Variants in SLC28A1 observed in about 807,000 individuals in gnomAD.
The protein encoded by SLC28A1 is sodium/nucleoside cotransporter 1.
SLC28A1 carries 64 observed loss-of-function variants against 74.8 expected under a neutral mutation model. That is an observed-to-expected ratio of 0.86 (90% CI 0.70 to 1.05). The LOEUF (loss-of-function observed/expected upper bound fraction) is 1.05. Ranked by LOEUF, SLC28A1 falls within the 50% of genes least tolerant of loss-of-function variation. The pLI is 0.00. For synonymous variants in SLC28A1, 359 were observed against 335.0 expected (o/e 1.07, Z -0.78); for missense variants, 828 against 822.8 (o/e 1.01, Z -0.08).
At chr15:84,934,385 T>C (rs1173031404) in intron 13 of SLC28A1, among the ~76,000 whole-genome samples, 1 of 152,200 alleles carries the variant, frequency 6.6e-6, no homozygotes, top group East Asian at 1.9e-4. Flanking sequence ...CAACCACACA[T>C]TGACATGCTG....
chr15:84,899,940 A>AAGGAAGGAAGG (rs1966437006), intron 6 of SLC28A1, among the ~76,000 whole-genome samples: 10,792 of 136,510 alleles, frequency 0.079, 650 homozygotes, highest in Non-Finnish European at 0.11. Flanking sequence ...AGAAAGAAAG[A>AAGGAAGGAAGG]AAGGAAGGAA....
At chr15:84,906,911 T>C (rs957184884) in intron 8 of SLC28A1, among the ~76,000 whole-genome samples, 4 of 152,218 alleles carry the variant, frequency 2.6e-5, no homozygotes, top group African/African-American at 9.7e-5. Flanking sequence ...CTTAATTGGC[T>C]TTTATTTGTG....
At chr15:84,908,174 A>ATT (rs1596270479) in intron 8 of SLC28A1, among the ~76,000 whole-genome samples, 2 of 65,894 alleles carry the variant, frequency 3.0e-5, no homozygotes, top group African/African-American at 6.0e-5. Flanking sequence ...CTCCCAGAGC[A>ATT]TTTCTTTTTT....
intron 7 of SLC28A1, among the ~76,000 whole-genome samples, chr15:84,904,882 T>C (rs1006079199): frequency 6.6e-6 from 1 of 152,162 alleles, no homozygotes; most frequent in African/African-American, 2.4e-5. Flanking sequence ...AGATGGAATC[T>C]TCTCTCTCTC....
intron 5 of SLC28A1, among the ~76,000 whole-genome samples, chr15:84,893,881 G>T (rs543940621): frequency 1.1e-4 from 16 of 152,330 alleles, no homozygotes; most frequent in Admixed American, 9.8e-4. Context: ...TTCACTGCTT[G>T]CAATGCTGCA....
At chr15:84,901,555 A>C (rs1404046358) in intron 6 of SLC28A1, among the ~76,000 whole-genome samples, 1 of 152,196 alleles carries the variant, frequency 6.6e-6, no homozygotes, top group Admixed American at 6.5e-5. Context: ...AAAAAGGCTC[A>C]AGATATGAAC....
downstream of SLC28A1, among the ~76,000 whole-genome samples, chr15:84,949,011 T>C (rs1245300940): frequency 6.6e-6 from 1 of 152,254 alleles, no homozygotes; most frequent in East Asian, 1.9e-4. Flanking sequence ...TACTTGCCCA[T>C]TAGTTTTAAA....
chr15:84,925,356 G>C (rs1329083654), intron 12 of SLC28A1, among the ~76,000 whole-genome samples: 1 of 151,998 alleles, frequency 6.6e-6, no homozygotes, highest in Non-Finnish European at 1.5e-5. Context: ...AGAAACGATG[G>C]GGGATGCCAA....
At chr15:84,893,319 GT>G (rs1965574440) in intron 5 of SLC28A1, among the ~76,000 whole-genome samples, 1 of 152,012 alleles carries the variant, frequency 6.6e-6, no homozygotes, top group African/African-American at 2.4e-5. Flanking sequence ...CCCTGGCCAG[GT>G]CCCCCTCCCC....
chr15:84,925,234 A>G (rs948073233), intron 12 of SLC28A1, among the ~76,000 whole-genome samples: 11 of 151,944 alleles, frequency 7.2e-5, no homozygotes, highest in Admixed American at 7.2e-4. Context: ...ATTGCTTTTA[A>G]TAGCGTAGAA....
chr15:84,894,960 G>T lies in SLC28A1; in HGVS notation c.298G>T (p.Val100Leu), dbSNP rs1596217483. 6.2e-7 allele frequency: 1 copy of T among 1,614,108 alleles called. No individual in the cohort carries two copies. ...LCTGLSAFLL[V>L]ACLLDFQRAL... ...CCCAGGGCTCTCTGCCTTCCTGCTG[G>T]TGGCCTGCCTCCTGGATTTCCAGAG... is the stretch of plus-strand genomic sequence containing the variant. The change falls in exon 6 of 19, where the codon GTG (valine) becomes TTG (leucine). Residue 100 changes from valine to leucine, a missense_variant. By Grantham distance (32) the Val-to-Leu change is conservative. Coordinates refer to ENST00000394573, the MANE Select transcript of SLC28A1 (RefSeq NM_004213.5).
the SLC28A1 span, among the ~76,000 whole-genome samples, chr15:84,974,342 G>C: frequency 1.3e-5 from 2 of 152,140 alleles, no homozygotes; most frequent in South Asian, 4.2e-4. Flanking sequence ...TATTTTCATG[G>C]GAGCTCTTGC....
At chr15:84,955,218 C>T in the SLC28A1 span, among the ~76,000 whole-genome samples, 1 of 152,168 alleles carries the variant, frequency 6.6e-6, no homozygotes, top group Non-Finnish European at 1.5e-5. Flanking sequence ...AGGCCTCAGA[C>T]ATCATGGAAC....
At chr15:84,968,908 G>A in the SLC28A1 span, among the ~76,000 whole-genome samples, 20 of 152,114 alleles carry the variant, frequency 1.3e-4, no homozygotes, top group African/African-American at 2.7e-4. Flanking sequence ...CCATCAGCCC[G>A]GGTAAGGGGA....
chr15:84,955,706 G>T, the SLC28A1 span, among the ~76,000 whole-genome samples: 1 of 152,164 alleles, frequency 6.6e-6, no homozygotes, highest in Non-Finnish European at 1.5e-5. Flanking sequence ...TCCCTTTTGT[G>T]GGGGAGGTCG....
At position 84,916,021 on chromosome 15, in the gene SLC28A1, C is replaced by T. The variant is rs537559352; in HGVS notation, c.796-2503C>T. On this transcript the variant is annotated intron_variant, in intron 9 of 18. Transcript: ENST00000394573. ...CTGTCACCCCAGGCTGGAGTGCAGT[C>T]GGATGATCTCGGCTCACTGCAACCT... is the stretch of plus-strand genomic sequence containing the variant. Among the ~76,000 whole-genome samples, 16 of 151,688 alleles carry T rather than the reference C, an allele frequency of 1.1e-4. No individual in the cohort carries two copies. The South Asian group carries it at 1.9e-3, about 18-fold the overall frequency.
At chr15:84,897,978 T>A (rs1435483355) in intron 6 of SLC28A1, among the ~76,000 whole-genome samples, 1 of 151,980 alleles carries the variant, frequency 6.6e-6, no homozygotes, top group Non-Finnish European at 1.5e-5. Context: ...TGTTTTTTTA[T>A]GGCTGAATAA....
chr15:84,911,790 CGGA>C (rs2141845115), intron 9 of SLC28A1, among the ~76,000 whole-genome samples: 1 of 142,222 alleles, frequency 7.0e-6, no homozygotes, highest in Non-Finnish European at 1.5e-5. Flanking sequence ...ACCTGGGAGA[CGGA>C]GGTTGCAGTG....
intron 9 of SLC28A1, among the ~76,000 whole-genome samples, chr15:84,910,989 C>T (rs573346749): frequency 6.6e-6 from 1 of 152,338 alleles, no homozygotes; most frequent in African/African-American, 2.4e-5. Flanking sequence ...TGAGAATGTG[C>T]TGGCGTGTCC....
Sources: allele counts gnomAD v4.1 joint callset (sites outside exome capture counted in the v4.1 genomes callset), GRCh38; gene constraint gnomAD v4.1.1; transcripts MANE v1.5; gene names NCBI Gene and HGNC (gene_info 2026-07-23, HGNC 2026-07-21).